MEN1: variants seen among roughly 807,000 people sequenced by gnomAD.
The protein encoded by MEN1 is menin 1, also known as menin.
In MEN1, 6 loss-of-function variants were observed where a neutral mutation model predicts 58.0. The observed-to-expected ratio is 0.10, with a 90% confidence interval of 0.06 to 0.20. MEN1 has a LOEUF of 0.20. Among genes scored for constraint, MEN1 ranks in the 10% least tolerant of loss-of-function variants. The pLI is 1.00. For missense variants in MEN1, 492 were observed against 818.5 expected (o/e 0.60, Z 4.87); for synonymous variants, 346 against 350.7 (o/e 0.99, Z 0.15).
At position 64,805,178 on chromosome 11, in the gene MEN1, G is replaced by T. The variant is rs770037856; in HGVS notation, c.1206C>A (p.Ser402=). ...EQSQGTQSQG[S]ALQDPECFAH... The stretch of plus-strand genomic sequence containing the variant: ...CGAAGCACTCAGGGTCCTGGAGGGC[G>T]GAACCTTGGCTCTGGGTGCCCTGGA... The change falls in exon 9 of 10, where the codon TCC becomes TCA. Residue 402 remains serine, a synonymous_variant. Coordinates refer to ENST00000450708, the MANE Select transcript of MEN1 (RefSeq NM_001370259.2). 5.6e-6 allele frequency: 9 copies of T among 1,613,834 alleles called. No individual in the cohort carries two copies. Among genetic ancestry groups the T allele is most frequent in the Non-Finnish European group, 7.6e-6 (9 of 1,180,002 alleles).
rs2136139524 is a variant in MEN1, at chr11:64,807,542, C to G, written c.783+10G>C. 6 of 1,614,054 alleles carry G rather than the reference C, an allele frequency of 3.7e-6. No individual in the cohort carries two copies. Among genetic ancestry groups the G allele is most frequent in the Non-Finnish European group, 5.1e-6 (6 of 1,180,012 alleles). The stretch of plus-strand genomic sequence containing the variant: ...CTAGCCCAGTCCTGCCCCATTGGCT[C>G]AGCCCTCACCTGCTGCAGCTGCAGA... On this transcript the variant is annotated intron_variant, in intron 4 of 9. Transcript: ENST00000450708. This position sits in a 1 kb window ranked among gnomAD's most constrained non-coding sequence, Gnocchi z 4.9.
rs1255708093 is a variant in MEN1 at position 64,810,008 on chromosome 11, C to T, written c.102G>A (p.Leu34=). The change falls in exon 2 of 10, where the codon CTG becomes CTA. Residue 34 remains leucine, a synonymous_variant. Coordinates refer to ENST00000450708, the MANE Select transcript of MEN1 (RefSeq NM_001370259.2). ...AGCCCAGCACCAAGGAAAGGAGCAC[C>T]AGGTCCGGCTCCTCTCGGCCCAGCT... ...AAELGREEPD[L]VLLSLVLGFV... is the part of the protein sequence containing the mutation. 6.2e-7 allele frequency: 1 copy of T among 1,605,126 alleles called. No homozygotes were observed. The highest frequency in any genetic ancestry group is 2.2e-5 in the East Asian group (1 of 44,446).
chr11:64,805,998 G>T, intron 7 of MEN1: 1 of 649,828 alleles, frequency 1.5e-6, no homozygotes, highest in Admixed American at 2.8e-5. Flanking sequence ...TTAAACATTG[G>T]AGATTTGAGA....
Position 64,804,913 on chromosome 11 carries a change from C to G in MEN1, c.1351-97G>C. 2 of 1,597,392 alleles carry G rather than the reference C, an allele frequency of 1.3e-6. No individual in the cohort carries two copies. Among genetic ancestry groups the G allele is most frequent in the East Asian group, 2.2e-5 (1 of 44,870 alleles). On this transcript the variant is annotated intron_variant, in intron 9 of 9. Transcript: ENST00000450708. The surrounding 1 kb of genome is among the most constrained non-coding windows in gnomAD (Gnocchi z 4.2). ...GGCCATCCCATCCCACCCAGGGGGT[C>G]TCAGTCCCATCGGCACCCAAGGGGA...
At chr11:64,810,662 G>A (rs940768276), upstream of MEN1, 7 of 154,282 alleles carry the variant, frequency 4.5e-5, no homozygotes, top group Non-Finnish European at 1.0e-4. Context: ...ATAGTGGCGG[G>A]CCGGGCCGCT....
At position 64,804,169 on chromosome 11, in the gene MEN1, G is replaced by A. The variant is rs1941470982; in HGVS notation, c.*165C>T. On this transcript the variant is annotated 3_prime_UTR_variant, in exon 10 of 10. Coordinates refer to ENST00000450708, the MANE Select transcript of MEN1 (RefSeq NM_001370259.2). The surrounding 1 kb of genome is among the most constrained non-coding windows in gnomAD (Gnocchi z 4.2). Reference sequence around the variant, plus strand: ...GGGCAGAGCCCTGGGTTCTGAGCTGGAGAAAATCGTGGGTTTGATACAGAC... The same window carrying A: ...GGGCAGAGCCCTGGGTTCTGAGCTGAAGAAAATCGTGGGTTTGATACAGAC... The A allele has an allele frequency of 2.4e-6, 2 of 845,970 alleles. No homozygotes were observed. The highest frequency in any genetic ancestry group is 3.9e-6 in the Non-Finnish European group (2 of 518,442). 52.4% of individuals were successfully genotyped at this position (845,970 alleles called of 1,614,324 possible). A position where few individuals can be genotyped will look rare whatever the true frequency, so the allele number is the denominator to read the frequency against.
chr11:64,804,802 C>T lies in MEN1; in HGVS notation c.1365G>A (p.Val455=). Reference sequence around the variant, plus strand: ...CCTCGGCCTCTCGGCTCACTATGCGCACCTTCTGCCGCACCTGGGCCAGTG... The same window carrying T: ...CCTCGGCCTCTCGGCTCACTATGCGTACCTTCTGCCGCACCTGGGCCAGTG... ...GRFEGQVRQK[V]RIVSREAEAA... The change falls in exon 10 of 10, where the codon GTG becomes GTA. Residue 455 remains valine, a synonymous_variant. Transcript: ENST00000450708. The surrounding 1 kb of genome is among the most constrained non-coding windows in gnomAD (Gnocchi z 4.2). The T allele has an allele frequency of 6.3e-7, 1 of 1,597,230 alleles. No homozygotes were observed. The highest frequency in any genetic ancestry group is 8.5e-7 in the Non-Finnish European group (1 of 1,179,222).
intron 2 of MEN1, 68 bp downstream of exon 2, chr11:64,809,597 T>A: frequency 6.3e-7 from 1 of 1,577,604 alleles, no homozygotes; most frequent in Non-Finnish European, 8.7e-7. Context: ...CTTAAAAGGG[T>A]TCTGTAAACC....
In MEN1 at chr11:64,803,915, T is replaced by C. The variant is rs1941448153; in HGVS notation, c.*419A>G. The C allele has an allele frequency of 3.0e-6, 1 of 335,450 alleles. No individual in the cohort carries two copies. The highest frequency in any genetic ancestry group is 5.6e-6 in the Non-Finnish European group (1 of 177,708). The allele number at this position is 335,450 out of a possible 1,614,324, so 20.8% of individuals were successfully genotyped here. On this transcript the variant is annotated 3_prime_UTR_variant, in exon 10 of 10. Transcript: ENST00000450708. ...TCCTAGGGGCTGAGTGGTCCTAGGC[T>C]CCCGGGCTGGAGGTGGGACCTGTGC...
At chr11:64,806,416 C>G in intron 6 of MEN1, 48 bp from the exon 7 acceptor site, 2 of 1,612,862 alleles carry the variant, frequency 1.2e-6, no homozygotes, top group African/African-American at 1.3e-5. Flanking sequence ...GCCCCAGCTG[C>G]CCTGCTGGCA....
At chr11:64,806,128 G>A in intron 7 of MEN1, 104 bp downstream of exon 7, 1 of 1,486,838 alleles carries the variant, frequency 6.7e-7, no homozygotes, top group Non-Finnish European at 9.3e-7. Flanking sequence ...GGATGGAAAG[G>A]GGATGGGGCG....
At position 64,807,267 on chromosome 11, in the gene MEN1, C is replaced by T. The variant is rs373796079; in HGVS notation, c.784-48G>A. The T allele has an allele frequency of 3.1e-5, 50 of 1,596,072 alleles. No homozygotes were observed. Among genetic ancestry groups the T allele is most frequent in the African/African-American group, 1.1e-4 (8 of 74,792 alleles). On this transcript the variant is annotated intron_variant, in intron 4 of 9. Transcript: ENST00000450708. The surrounding 1 kb of genome is among the most constrained non-coding windows in gnomAD (Gnocchi z 4.9). ...ATGAGCCACGGAACAGGGAGGAGAA[C>T]GGGTCCTTAGCCTATCGGGCAGAGG...
Position 64,804,316 on chromosome 11 carries a change from T to C in MEN1, c.*18A>G, listed in dbSNP as rs71581749. ...GCGGAGCCTGGGTCCCCACAAGCGGTCCGAAGTCCCCAGTAGTTCAGAGGC... is the reference window on the plus strand; with the variant it reads ...GCGGAGCCTGGGTCCCCACAAGCGGCCCGAAGTCCCCAGTAGTTCAGAGGC... On this transcript the variant is annotated 3_prime_UTR_variant, in exon 10 of 10. Transcript: ENST00000450708. This position sits in a 1 kb window ranked among gnomAD's most constrained non-coding sequence, Gnocchi z 4.2. The C allele has an allele frequency of 6.2e-7, 1 of 1,614,078 alleles. No homozygotes were observed. Among genetic ancestry groups the C allele is most frequent in the Non-Finnish European group, 8.5e-7 (1 of 1,179,984 alleles).
At position 64,808,744 on chromosome 11, in the gene MEN1, G is replaced by C. The variant is rs1186855142; in HGVS notation, c.446-645C>G. Among the ~76,000 whole-genome samples, 3 of 150,870 alleles carry C rather than the reference G, an allele frequency of 2.0e-5. No individual in the cohort carries two copies. The East Asian group carries it at 5.9e-4, about 30-fold the overall frequency. On this transcript the variant is annotated intron_variant, in intron 2 of 9. Coordinates refer to ENST00000450708, the MANE Select transcript of MEN1 (RefSeq NM_001370259.2). ...GCGGATCACGAGGTCAGGAGATCGA[G>C]ACCATCCTGGCTAACATGGTGAAAC...
Position 64,806,221 on chromosome 11 carries a change from G to A in MEN1, c.1049+11C>T, listed in dbSNP as rs1229329826. The A allele has an allele frequency of 6.2e-7, 1 of 1,614,050 alleles. No homozygotes were observed. Among genetic ancestry groups the A allele is most frequent in the South Asian group, 1.1e-5 (1 of 91,070 alleles). On this transcript the variant is annotated intron_variant, in intron 7 of 9. Transcript: ENST00000450708. ...AGGACAGGCTGCAGGCCCTAGTAGG[G>A]GGATCCTCACTCCTGGATGACAGTG...
At chr11:64,808,886 C>T (rs1259154668) in intron 2 of MEN1, among the ~76,000 whole-genome samples, 1 of 150,558 alleles carries the variant, frequency 6.6e-6, no homozygotes, top group Admixed American at 6.7e-5. Flanking sequence ...AAGCAGGAGG[C>T]AGAGCTTGCA....
rs2136148225 is a variant in MEN1 at position 64,807,891 on chromosome 11, C to T, written c.654G>A (p.Arg218=). ...GQTVNAGVAE[R]SWLYLKGSYM... is the part of the protein sequence containing the mutation. ...CAAGGCTGGGGGGAGGGAACAATAC[C>T]CGCTCAGCCACACCGGCATTGACTG... The change falls in exon 3 of 10, where the codon CGG becomes CGA. Residue 218 remains arginine, a splice_region_variant and synonymous_variant. Transcript: ENST00000450708. The surrounding 1 kb of genome is among the most constrained non-coding windows in gnomAD (Gnocchi z 4.9). The T allele has an allele frequency of 6.2e-7, 1 of 1,614,028 alleles. No individual in the cohort carries two copies. The highest frequency in any genetic ancestry group is 8.5e-7 in the Non-Finnish European group (1 of 1,180,002).
intron 2 of MEN1, among the ~76,000 whole-genome samples, chr11:64,809,323 G>T (rs1386486772): frequency 6.6e-6 from 1 of 150,694 alleles, no homozygotes; most frequent in Non-Finnish European, 1.5e-5. Context: ...CTCAAATGCA[G>T]CCCAATTTCA....
In MEN1 at chr11:64,807,744, A is replaced by G. The variant is rs543229895; in HGVS notation, c.655-64T>C. On this transcript the variant is annotated intron_variant, in intron 3 of 9. Coordinates refer to ENST00000450708, the MANE Select transcript of MEN1 (RefSeq NM_001370259.2). This position sits in a 1 kb window ranked among gnomAD's most constrained non-coding sequence, Gnocchi z 4.9. ...CACCCTGTGCCTGCTTCAGGGAATG[A>G]CAGCCAGGAAAAGGGGCTCTTCTGT... 8 of 1,613,290 alleles carry G rather than the reference A, an allele frequency of 5.0e-6. No homozygotes were observed. The highest frequency in any genetic ancestry group is 6.8e-6 in the Non-Finnish European group (8 of 1,179,616).
Sources: gnomAD v4.1 joint callset for allele counts (sites outside exome capture counted in the v4.1 genomes callset) on GRCh38, gnomAD v4.1.1 for gene constraint, Gnocchi (gnomAD v3.1) non-coding constraint, MANE v1.5 for transcripts, NCBI Gene and HGNC (gene_info 2026-07-23, HGNC 2026-07-21) for gene names.